The following KCNC2 variants were observed in gnomAD, a reference collection of about 807,000 sequenced individuals.
KCNC2 encodes the protein voltage-gated potassium channel KCNC2.
A neutral mutation model predicts 44.5 loss-of-function variants in KCNC2; 21 were observed. The observed-to-expected ratio is 0.47, with a 90% CI of 0.33 to 0.68. The LOEUF (loss-of-function observed/expected upper bound fraction) is 0.68. Among genes scored for constraint, KCNC2 ranks in the 30% least tolerant of loss-of-function variants. The probability of loss-of-function intolerance (pLI) is 0.01; values close to 1 mark genes in which losing one functional copy is unlikely to be tolerated. For missense variants in KCNC2, 589 were observed against 826.2 expected (o/e 0.71, Z 3.52); for synonymous variants, 391 against 339.1 (o/e 1.15, Z -1.68).
At chr12:75,086,381 A>G (rs950900780) in intron 2 of KCNC2, among the ~76,000 whole-genome samples, 1 of 152,104 alleles carries the variant, frequency 6.6e-6, no homozygotes, top group African/African-American at 2.4e-5. Flanking sequence ...AAGAACATGC[A>G]TAACAAAAGA....
intron 2 of KCNC2, among the ~76,000 whole-genome samples, chr12:75,187,135 G>A (rs550619188): frequency 6.6e-6 from 1 of 152,290 alleles, no homozygotes; most frequent in South Asian, 2.1e-4. Flanking sequence ...AAATTTGGAA[G>A]ATAAGCACTT....
At chr12:75,154,449 G>T (rs995679752) in intron 2 of KCNC2, among the ~76,000 whole-genome samples, 3 of 151,944 alleles carry the variant, frequency 2.0e-5, no homozygotes, top group Admixed American at 6.6e-5. Context: ...TAGACTCCCA[G>T]CCTGATGGCC....
chr12:75,123,292 T>C (rs976682997), intron 2 of KCNC2, among the ~76,000 whole-genome samples: 2 of 152,188 alleles, frequency 1.3e-5, no homozygotes, highest in Admixed American at 1.3e-4. Flanking sequence ...ATTAATGATA[T>C]GTAAATCTAA....
chr12:75,200,805 G>T (rs965354593), intron 2 of KCNC2, among the ~76,000 whole-genome samples: 1 of 151,524 alleles, frequency 6.6e-6, no homozygotes, highest in Non-Finnish European at 1.5e-5. Context: ...TATTTTCTAC[G>T]TTTATTCTAA....
chr12:75,170,802 A>G lies in KCNC2; in HGVS notation c.687+36495T>C, dbSNP rs183075242. The stretch of plus-strand genomic sequence containing the variant: ...CGTTTCAGGGCAACACCCAATAGTT[A>G]TCTCAAAGCTTCTGCAAGTTAAAAG... On this transcript the variant is annotated intron_variant, in intron 2 of 4. Transcript: ENST00000549446. Among the ~76,000 whole-genome samples, 3 of 151,890 alleles carry G rather than the reference A, an allele frequency of 2.0e-5. No individual in the cohort carries two copies. In the East Asian group the frequency reaches 5.9e-4, roughly 30 times the overall value.
chr12:75,083,209 C>T (rs1190263591), intron 2 of KCNC2, among the ~76,000 whole-genome samples: 2 of 151,512 alleles, frequency 1.3e-5, no homozygotes, highest in Non-Finnish European at 3.0e-5. Context: ...GTACCAATAA[C>T]ATTACTACTG....
At position 75,071,674 on chromosome 12, in the gene KCNC2, A is replaced by G. The variant is rs1883414872; in HGVS notation, c.688-20357T>C. On this transcript the variant is annotated intron_variant, in intron 2 of 4. Coordinates refer to ENST00000549446, the MANE Select transcript of KCNC2 (RefSeq NM_139137.4). ...TTGACGGAAGAATTAACTCTTGGCCAGACGCGGTGGCTCACGCCTGTAATC... is the reference window on the plus strand; with the variant it reads ...TTGACGGAAGAATTAACTCTTGGCCGGACGCGGTGGCTCACGCCTGTAATC... Among the ~76,000 whole-genome samples, 2 of 152,182 alleles carry G rather than the reference A, an allele frequency of 1.3e-5. 1 individual carries two copies. Among genetic ancestry groups the G allele is most frequent in the Admixed American group, 1.3e-4 (2 of 15,278 alleles).
At position 75,166,444 on chromosome 12, in the gene KCNC2, T is replaced by TA. The variant is rs139018178; in HGVS notation, c.687+40852dup. Among the ~76,000 whole-genome samples, 163 of 140,494 alleles carry TA rather than the reference T, an allele frequency of 1.2e-3. 1 individual carries two copies. The highest frequency in any genetic ancestry group is 3.7e-3 in the Middle Eastern group (1 of 272). The allele number at this position is 140,494 out of a possible 152,430, so 92.2% of individuals were successfully genotyped here. A position where few individuals can be genotyped will look rare whatever the true frequency, so the allele number is the denominator to read the frequency against. On this transcript the variant is annotated intron_variant, in intron 2 of 4. Transcript: ENST00000549446. ...ATGGAAAGAGAAAACTCGAATGATC[T>TA]AAAAAAAAAAAAAGTTAGACCTAAC...
At chr12:75,085,794 C>A (rs2137103961) in intron 2 of KCNC2, among the ~76,000 whole-genome samples, 1 of 152,034 alleles carries the variant, frequency 6.6e-6, no homozygotes, top group South Asian at 2.1e-4. Flanking sequence ...ATTATGTTTA[C>A]TTTCCTAGTA....
chr12:75,134,460 C>T (rs1041305125), intron 2 of KCNC2, among the ~76,000 whole-genome samples: 1 of 151,458 alleles, frequency 6.6e-6, no homozygotes, highest in East Asian at 1.9e-4. Flanking sequence ...TTATTTTAAA[C>T]GTCATATTGA....
chr12:75,042,329 G>A lies in KCNC2; in HGVS notation c.*776C>T, dbSNP rs1592743530. 2 of 1,611,926 alleles carry A rather than the reference G, an allele frequency of 1.2e-6. No individual in the cohort carries two copies. Among genetic ancestry groups the A allele is most frequent in the Non-Finnish European group, 8.5e-7 (1 of 1,178,740 alleles). On this transcript the variant is annotated 3_prime_UTR_variant, in exon 5 of 5. Transcript: ENST00000549446. ...CCCAAGTCATTAAGTAAGAGATCTG[G>A]CCTCGGCTTGCGTGTAACCAGTAAT...
intron 2 of KCNC2, among the ~76,000 whole-genome samples, chr12:75,153,521 G>T (rs1226576234): frequency 6.6e-6 from 1 of 151,442 alleles, no homozygotes; most frequent in Non-Finnish European, 1.5e-5. Context: ...TGGGTACAAG[G>T]TATATTACTT....
At chr12:75,197,970 C>G (rs1593079295) in intron 2 of KCNC2, among the ~76,000 whole-genome samples, 1 of 151,770 alleles carries the variant, frequency 6.6e-6, no homozygotes. Context: ...TTTTAAAACA[C>G]TCACTAAATT....
intron 2 of KCNC2, among the ~76,000 whole-genome samples, chr12:75,099,881 A>G (rs1886237623): frequency 6.6e-6 from 1 of 152,136 alleles, no homozygotes. Flanking sequence ...CAGATACAAA[A>G]TGGTGGTATG....
chr12:75,142,799 G>T (rs1302413341), intron 2 of KCNC2, among the ~76,000 whole-genome samples: 1 of 152,148 alleles, frequency 6.6e-6, no homozygotes, highest in East Asian at 1.9e-4. Flanking sequence ...ATACATTAAA[G>T]CTAGGTTGTC....
rs35149276 is a variant in KCNC2 at position 75,174,135 on chromosome 12, C to CTT, written c.687+33160_687+33161dup. 1.9e-3 allele frequency among the ~76,000 whole-genome samples: 287 copies of CTT among 149,372 alleles called. 2 individuals are homozygous for CTT. Among genetic ancestry groups the CTT allele is most frequent in the African/African-American group, 6.3e-3 (259 of 40,842 alleles). The stretch of plus-strand genomic sequence containing the variant: ...TAAATACTGTTCTTCACAGTTCTAA[C>CTT]TTTTTTTTTTCAAACTGGCTCCTTA... On this transcript the variant is annotated intron_variant, in intron 2 of 4. Transcript: ENST00000549446.
At chr12:75,204,138 C>G (rs1180486042) in intron 2 of KCNC2, among the ~76,000 whole-genome samples, 1 of 151,770 alleles carries the variant, frequency 6.6e-6, no homozygotes, top group African/African-American at 2.4e-5. Flanking sequence ...TCCATGACAA[C>G]TTATATTTGA....
chr12:75,123,773 A>G (rs1422364711), intron 2 of KCNC2, among the ~76,000 whole-genome samples: 5 of 152,196 alleles, frequency 3.3e-5, no homozygotes, highest in African/African-American at 1.2e-4. Flanking sequence ...CCCAGGGATC[A>G]GTGAGCATTA....
chr12:75,102,833 A>G (rs1886480332), intron 2 of KCNC2, among the ~76,000 whole-genome samples: 1 of 152,080 alleles, frequency 6.6e-6, no homozygotes, highest in African/African-American at 2.4e-5. Flanking sequence ...ACGTTTATTA[A>G]TAATAGAGCT....
Sources: gnomAD v4.1 joint callset for allele counts (sites outside exome capture counted in the v4.1 genomes callset) on GRCh38, gnomAD v4.1.1 for gene constraint, MANE v1.5 for transcripts, NCBI Gene and HGNC (gene_info 2026-07-23, HGNC 2026-07-21) for gene names.